The following ABCA1 variants were observed in gnomAD, a reference collection of about 807,000 sequenced individuals.
ABCA1 encodes the protein ATP binding cassette subfamily A member 1.
In ABCA1, 133 loss-of-function variants were observed where a neutral mutation model predicts 262.5. That is an observed-to-expected ratio of 0.51 (90% CI 0.44 to 0.59). The LOEUF (loss-of-function observed/expected upper bound fraction) is 0.59. ABCA1 is among the 20% of genes least tolerant of loss of function. The pLI, the probability that ABCA1 is intolerant of heterozygous loss-of-function variation, is 0.00. For synonymous variants in ABCA1, 1,022 were observed against 1,043.5 expected, an observed-to-expected ratio of 0.98 and a Z score of 0.40; for missense variants, 2,452 against 2,777.5, an observed-to-expected ratio of 0.88 and a Z score of 2.63.
intron 3 of ABCA1, among the ~76,000 whole-genome samples, chr9:104,886,177 G>A (rs2417565): frequency 0.15 from 22,568 of 147,152 alleles, 1,944 homozygotes; most frequent in African/African-American, 0.24. Context: ...TTACTCTGCT[G>A]TTGCCCAGCA....
At position 104,800,471 on chromosome 9, in the gene ABCA1, G is replaced by A. The variant is rs563949864; in HGVS notation, c.4773+39C>T. 6 of 1,575,070 alleles carry A rather than the reference G, an allele frequency of 3.8e-6. No homozygotes were observed. In the African/African-American group the frequency reaches 8.0e-5, roughly 21 times the overall value. On this transcript the variant is annotated intron_variant, in intron 35 of 49. Coordinates refer to ENST00000374736, the MANE Select transcript of ABCA1 (RefSeq NM_005502.4). ...TACTCCAGGAAACATAAGGATTATT[G>A]TTCATCAAAAAGCTACTAGAACAAA... is the stretch of plus-strand genomic sequence containing the variant.
At chr9:104,811,884 G>C (rs965521563) in intron 28 of ABCA1, among the ~76,000 whole-genome samples, 1 of 152,178 alleles carries the variant, frequency 6.6e-6, no homozygotes, top group Non-Finnish European at 1.5e-5. Context: ...GATTCAACTT[G>C]AGCTCTGTAT....
chr9:104,861,597 A>G, intron 6 of ABCA1, 82 bp downstream of exon 6: 1 of 1,571,584 alleles, frequency 6.4e-7, no homozygotes, highest in Non-Finnish European at 8.8e-7. Flanking sequence ...TTACAAGGAC[A>G]AGGGTTTATT....
intron 7 of ABCA1, among the ~76,000 whole-genome samples, chr9:104,856,779 C>T (rs1835875221): frequency 6.6e-6 from 1 of 152,178 alleles, no homozygotes; most frequent in South Asian, 2.1e-4. Context: ...TTCAATCATT[C>T]CAGCTGAAAG....
chr9:104,825,495 C>T, intron 17 of ABCA1, 188 bp downstream of exon 17: 1 of 665,308 alleles, frequency 1.5e-6, no homozygotes, highest in Admixed American at 2.3e-5. Context: ...TTTCAAGAAA[C>T]AAGTGCTGTA....
Position 104,896,711 on chromosome 9 carries a change from C to CTTTTTTTTTTTTTTTTTTTTT in ABCA1, c.66+6882_66+6902dup, listed in dbSNP as rs56710442. ...AACTCCAAAATTGCTCCCTACACAT[C>CTTTTTTTTTTTTTTTTTTTTT]TTTTTTTTTTTTTTTTTTTTTTTTT... On this transcript the variant is annotated intron_variant, in intron 2 of 49. Transcript: ENST00000374736. Among the ~76,000 whole-genome samples, 2 of 37,010 alleles carry CTTTTTTTTTTTTTTTTTTTTT rather than the reference C, an allele frequency of 5.4e-5. 1 individual carries two copies. The allele number at this position is 37,010 out of a possible 152,430, so 24.3% of individuals were successfully genotyped here.
chr9:104,877,619 A>G (rs1463732398), intron 5 of ABCA1, among the ~76,000 whole-genome samples: 1 of 152,268 alleles, frequency 6.6e-6, no homozygotes, highest in Non-Finnish European at 1.5e-5. Context: ...AGGGGAAGCA[A>G]AGCAACTCGA....
intron 2 of ABCA1, among the ~76,000 whole-genome samples, chr9:104,901,290 T>C (rs1335858280): frequency 6.6e-6 from 1 of 152,230 alleles, no homozygotes; most frequent in Non-Finnish European, 1.5e-5. Context: ...TCTCAGCTTC[T>C]GGTTGCAGCT....
At chr9:104,806,518 C>T (rs1359572525) in intron 30 of ABCA1, 88 bp from the exon 31 acceptor site, 3 of 1,294,288 alleles carry the variant, frequency 2.3e-6, no homozygotes, top group East Asian at 4.8e-5. Context: ...TCCGTAACAA[C>T]CACAAACATG....
rs1830082667 is a variant in ABCA1 at position 104,798,518 on chromosome 9, A to T, written c.5024T>A (p.Phe1675Tyr). ...TTTGCTGACCCGCTCCTGGATCAGG[A>T]ATACGACAAAGCTGGCTGGGACGAA... ...MSFVPASFVV[F>Y]LIQERVSKAK... Residue 1675 changes from phenylalanine to tyrosine, a missense_variant, in exon 37 of 50, where the codon TTC (phenylalanine) becomes TAC (tyrosine). Phe to Tyr is a conservative substitution (Grantham distance 22, BLOSUM62 3). Around this residue, in one of 4 missense-constraint regions of ABCA1, gnomAD observed 752 missense variants for 944.5 expected, o/e 0.80. Coordinates refer to ENST00000374736, the MANE Select transcript of ABCA1 (RefSeq NM_005502.4). The T allele has an allele frequency of 6.2e-7, 1 of 1,614,182 alleles. No individual in the cohort carries two copies. Among genetic ancestry groups the T allele is most frequent in the Non-Finnish European group, 8.5e-7 (1 of 1,180,022 alleles).
In ABCA1 at chr9:104,788,003, A is replaced by G; in HGVS notation, c.6121T>C (p.Tyr2041His). The change falls in exon 46 of 50, where the codon TAT becomes CAT. Residue 2041 changes from tyrosine to histidine, a missense_variant. Tyr to His is a moderately conservative substitution (Grantham distance 83). This residue lies in a region of ABCA1 where 752 missense variants were observed against 944.5 expected (regional missense o/e 0.80). Transcript: ENST00000374736. ...TTGCCTCCACTATAGTTACCAGCAT[A>G]TTTTTCTCCATACTTCACGAGGCCC... Reference protein sequence around the residue: ...KLGLVKYGEKYAGNYSGGNKR... With the variant: ...KLGLVKYGEKHAGNYSGGNKR... The G allele has an allele frequency of 6.2e-7, 1 of 1,614,048 alleles. No homozygotes were observed. The highest frequency in any genetic ancestry group is 8.5e-7 in the Non-Finnish European group (1 of 1,180,020).
intron 27 of ABCA1, 69 bp downstream of exon 27, chr9:104,814,049 C>G: frequency 2.0e-6 from 3 of 1,511,752 alleles, no homozygotes; most frequent in Non-Finnish European, 1.8e-6. Flanking sequence ...CCAAAGAAAA[C>G]AGGTGAGAGC....
chr9:104,817,501 G>T lies in ABCA1; in HGVS notation c.3463-97C>A. On this transcript the variant is annotated intron_variant, in intron 23 of 49. Coordinates refer to ENST00000374736, the MANE Select transcript of ABCA1 (RefSeq NM_005502.4). The surrounding 1 kb of genome is among the most constrained non-coding windows in gnomAD (Gnocchi z 4.7). The stretch of plus-strand genomic sequence containing the variant: ...GAGGGCTTCCAAGAAGCTCTGTTGT[G>T]TGAGAACTAAAGGAAAAAGCTTTCC... 1 of 1,335,690 alleles carries T rather than the reference G, an allele frequency of 7.5e-7. No homozygotes were observed. The highest frequency in any genetic ancestry group is 1.1e-6 in the Non-Finnish European group (1 of 939,710). 82.7% of individuals were successfully genotyped at this position (1,335,690 alleles called of 1,614,324 possible).
rs962976305 is a variant in ABCA1 at position 104,806,272 on chromosome 9, G to A, written c.4433C>T (p.Pro1478Leu). The change falls in exon 31 of 50, where the codon CCC becomes CTC. Residue 1478 changes from proline to leucine, a missense_variant. By Grantham distance (98) the Pro-to-Leu change is moderately conservative. Coordinates refer to ENST00000374736, the MANE Select transcript of ABCA1 (RefSeq NM_005502.4). ...AGGAGGCAGCCCCCCTGCCCCTGGG[G>A]GACACACAGGCAGCATCTTCTTGAT... ...DKIKKMLPVCPPGAGGLPPPQ... is the reference protein window; with the variant it reads ...DKIKKMLPVCLPGAGGLPPPQ... 2 of 1,613,682 alleles carry A rather than the reference G, an allele frequency of 1.2e-6. No homozygotes were observed. The highest frequency in any genetic ancestry group is 3.3e-5 in the Admixed American group (2 of 60,022).
At chr9:104,881,526 G>T (rs568206188) in intron 5 of ABCA1, among the ~76,000 whole-genome samples, 1 of 152,116 alleles carries the variant, frequency 6.6e-6, no homozygotes, top group Non-Finnish European at 1.5e-5. Context: ...GCCAAATACT[G>T]TTTTTAAGCA....
chr9:104,867,983 A>C lies in ABCA1; in HGVS notation c.422-6183T>G, dbSNP rs550174858. On this transcript the variant is annotated intron_variant, in intron 5 of 49. Transcript: ENST00000374736. ...AAACAAAATCAGCACTGGATACAGC[A>C]TCACAGGGTCTGAATTCAAGAGTCA... 2.6e-5 allele frequency among the ~76,000 whole-genome samples: 4 copies of C among 152,362 alleles called. No individual in the cohort carries two copies. In the East Asian group the frequency reaches 7.7e-4, roughly 29 times the overall value.
At chr9:104,816,730 A>G in intron 24 of ABCA1, among the ~76,000 whole-genome samples, 1 of 152,096 alleles carries the variant, frequency 6.6e-6, no homozygotes, top group South Asian at 2.1e-4. Context: ...TCAAAAGAAA[A>G]CTTGAGTAAA....
intron 37 of ABCA1, among the ~76,000 whole-genome samples, chr9:104,798,133 G>C (rs1223909614): frequency 1.3e-5 from 2 of 152,184 alleles, no homozygotes; most frequent in Admixed American, 1.3e-4. Context: ...GTTTTGACTT[G>C]TATCTCTCTG....
chr9:104,827,147 C>T lies in ABCA1; in HGVS notation c.2138G>A (p.Ser713Asn). ...ILKLGNLLPYSDPSVVFVFLS... is the reference protein window; with the variant it reads ...ILKLGNLLPYNDPSVVFVFLS... ...GAAGACAAACACCACGCTGGGATCA[C>T]TGTAGGGCAGCAGGTTTCCTAACTG... The change falls in exon 16 of 50, where the codon AGT (serine) becomes AAT (asparagine). Residue 713 changes from serine (S) to asparagine (N), a missense_variant. Physicochemically the swap from Ser to Asn is conservative, Grantham distance 46. Around this residue, in one of 4 missense-constraint regions of ABCA1, gnomAD observed 1,032 missense variants for 1,089.7 expected, o/e 0.95. Coordinates refer to ENST00000374736, the MANE Select transcript of ABCA1 (RefSeq NM_005502.4). 1 of 1,614,192 alleles carries T rather than the reference C, an allele frequency of 6.2e-7. No individual in the cohort carries two copies. The highest frequency in any genetic ancestry group is 8.5e-7 in the Non-Finnish European group (1 of 1,180,044).
Sources: allele counts gnomAD v4.1 joint callset (sites outside exome capture counted in the v4.1 genomes callset), GRCh38; gene constraint gnomAD v4.1.1; regional missense constraint gnomAD v4.1.1; non-coding constraint Gnocchi (gnomAD v3.1); transcripts MANE v1.5; gene names NCBI Gene and HGNC (gene_info 2026-07-23, HGNC 2026-07-21).